GREP1: variants seen among roughly 807,000 people sequenced by gnomAD.
GREP1 encodes glycine-rich extracellular protein 1.
exon 35 of GREP1, chr16:3,001,861 C>G (rs1050272135): frequency 1.8e-5 from 7 of 381,384 alleles, no homozygotes; most frequent in African/African-American, 1.4e-4. Flanking sequence ...AGAAAACAGA[C>G]TCGATCAACG....
chr16:2,996,898 G>C, intron 20 of GREP1, 155 bp from the exon 20 acceptor site: 1 of 399,326 alleles, frequency 2.5e-6, no homozygotes, highest in East Asian at 3.6e-5. Flanking sequence ...CTGCCTCCCT[G>C]TCCCCCAGTG....
At chr16:2,998,856 A>G (rs2072442573) in exon 26 of GREP1, 2 of 398,950 alleles carry the variant, frequency 5.0e-6, no homozygotes, top group Admixed American at 4.4e-5. Context: ...AGGTCCCTGC[A>G]ATGCGAGGGT....
Position 2,994,434 on chromosome 16 carries a change from G to A in GREP1, c.386-264G>A, listed in dbSNP as rs144942977. 5.8e-3 allele frequency: 1,646 copies of A among 284,164 alleles called. 31 individuals are homozygous for A. Among genetic ancestry groups the A allele is most frequent in the African/African-American group, 0.034 (1,542 of 45,878 alleles). 17.6% of individuals were successfully genotyped at this position (284,164 alleles called of 1,614,324 possible). ...TGAGGCAGGAGAATTGCTTGAACCC[G>A]GGAGGCGGAGGTTGCAGTGAACCAA... On this transcript the variant is annotated intron_variant, in intron 10 of 34. Transcript: ENST00000573315.
At chr16:2,997,107 C>T (rs947116548) in intron 21 of GREP1, 22 bp downstream of exon 20, 1 of 399,246 alleles carries the variant, frequency 2.5e-6, no homozygotes, top group Non-Finnish European at 4.4e-6. Context: ...CCCGCCTGTC[C>T]CTCTGCCTCC....
At chr16:2,990,330 C>A in intron 5 of GREP1, 1 of 398,450 alleles carries the variant, frequency 2.5e-6, no homozygotes, top group Non-Finnish European at 4.4e-6. Flanking sequence ...CCCACGAGCC[C>A]TTCCACTAAG....
At chr16:2,997,164 A>G (rs1042466421) in intron 21 of GREP1, 79 bp downstream of exon 20, 15 of 398,718 alleles carry the variant, frequency 3.8e-5, no homozygotes, top group Non-Finnish European at 5.3e-5. Context: ...CCTCAGCTCC[A>G]TCGGCATTCA....
rs1413836586 is a variant in GREP1, at chr16:2,989,085, G to C, written c.101-438G>C. 4.2e-6 allele frequency: 1 copy of C among 237,908 alleles called. No individual in the cohort carries two copies. Among genetic ancestry groups the C allele is most frequent in the African/African-American group, 2.2e-5 (1 of 44,640 alleles). 14.7% of individuals were successfully genotyped at this position (237,908 alleles called of 1,614,324 possible). ...TCTGAGCTTCAGGAGAGAAAGATGG[G>C]GGGCAGAGGTGGTGAGAAGAAGAGG... is the stretch of plus-strand genomic sequence containing the variant. On this transcript the variant is annotated intron_variant, in intron 2 of 34. Transcript: ENST00000573315. The surrounding 1 kb of genome is among the most constrained non-coding windows in gnomAD (Gnocchi z 4.2).
Position 2,997,417 on chromosome 16 carries a change from AGGTACT to A in GREP1, c.916+2_916+7del, listed in dbSNP as rs2072431192. 7.5e-6 allele frequency: 3 copies of A among 398,846 alleles called. No individual in the cohort carries two copies. Among genetic ancestry groups the A allele is most frequent in the Non-Finnish European group, 8.8e-6 (2 of 226,298 alleles). 24.7% of individuals were successfully genotyped at this position (398,846 alleles called of 1,614,324 possible). A position where few individuals can be genotyped will look rare whatever the true frequency, so the allele number is the denominator to read the frequency against. On this transcript the variant is annotated splice_donor_variant and splice_donor_5th_base_variant and coding_sequence_variant and intron_variant, in exon 22 of 35. Transcript: ENST00000573315. LOFTEE classifies it high-confidence loss of function. ...CCTTAGCCCAGAATGGCTACAGAGC[AGGTACT>A]GGGGGGCTGGAGTTGCTGGGAGTGC...
At chr16:2,995,238 A>G (rs1369242103) in intron 13 of GREP1, 46 bp from the exon 15 acceptor site, 3 of 398,514 alleles carry the variant, frequency 7.5e-6, no homozygotes, top group Non-Finnish European at 1.3e-5. Flanking sequence ...GGTGGATCTG[A>G]GTTGGGGGCT....
In GREP1 at chr16:2,993,521, G is replaced by C. The variant is rs554883274; in HGVS notation, c.385+558G>C. ...TCCATCTACAAAAAAAAAAAACCTA[G>C]CCAGTTGTGGTGGCACGTGCCTGTA... On this transcript the variant is annotated intron_variant, in intron 10 of 34. Transcript: ENST00000573315. 5 of 151,982 alleles carry C rather than the reference G, an allele frequency of 3.3e-5. No homozygotes were observed. The East Asian group carries it at 9.7e-4, about 29-fold the overall frequency. The allele number at this position is 151,982 out of a possible 1,614,324, so 9.4% of individuals were successfully genotyped here. A position where few individuals can be genotyped will look rare whatever the true frequency, so the allele number is the denominator to read the frequency against.
At chr16:2,993,007 A>T in intron 10 of GREP1, 44 bp downstream of exon 11, 1 of 398,496 alleles carries the variant, frequency 2.5e-6, no homozygotes, top group Non-Finnish European at 4.4e-6. Flanking sequence ...TTTCCTATGC[A>T]TCTGCCGCTG....
intron 26 of GREP1, chr16:2,999,189 C>A (rs1177594144): frequency 2.0e-5 from 8 of 398,778 alleles, no homozygotes; most frequent in South Asian, 1.3e-4. Flanking sequence ...TCCATCCCTG[C>A]CCCATGGCAT....
chr16:2,993,214 G>A (rs2072407599), intron 10 of GREP1: 2 of 326,498 alleles, frequency 6.1e-6, no homozygotes, highest in Non-Finnish European at 1.1e-5. Context: ...GAGCAGAGAG[G>A]AAGGGATGGG....
chr16:2,988,709 G>A, intron 2 of GREP1, 87 bp downstream of exon 2: 1 of 398,890 alleles, frequency 2.5e-6, no homozygotes, highest in Non-Finnish European at 4.4e-6. Flanking sequence ...GACTCCCGAT[G>A]CGGGGCCCAG....
chr16:3,000,275 C>T (rs553354730), intron 29 of GREP1, 157 bp downstream of exon 26: 53 of 399,370 alleles, frequency 1.3e-4, no homozygotes, highest in African/African-American at 1.0e-3. Context: ...AGCTCCTCTC[C>T]AATCTCTGTC....
chr16:2,999,135 C>G (rs2072444203), intron 26 of GREP1, 156 bp downstream of exon 24: 2 of 398,696 alleles, frequency 5.0e-6, no homozygotes, highest in East Asian at 3.6e-5. Context: ...GAAGCCTGAA[C>G]TCTGGCCCTG....
At chr16:2,990,618 G>A in intron 7 of GREP1, 31 bp downstream of exon 6, 3 of 399,238 alleles carry the variant, frequency 7.5e-6, no homozygotes, top group East Asian at 3.6e-5. Context: ...TAAGGAATGG[G>A]AGGGGCTTGG....
At chr16:2,997,656 GC>G (rs1267365012) in intron 22 of GREP1, 146 bp from the exon 21 acceptor site, 2 of 397,602 alleles carry the variant, frequency 5.0e-6, no homozygotes, top group Non-Finnish European at 8.9e-6. Flanking sequence ...TCCCCATGCC[GC>G]CCCCACAGAC....
chr16:3,001,486 T>A, intron 34 of GREP1, 75 bp from the exon 29 acceptor site: 1 of 399,024 alleles, frequency 2.5e-6, no homozygotes, highest in Non-Finnish European at 4.4e-6. Flanking sequence ...GAAGCTCAGG[T>A]CCCTGGGAGG....
Sources: gnomAD v4.1 joint callset for allele counts on GRCh38, gnomAD v4.1.1 for gene constraint, Gnocchi (gnomAD v3.1) non-coding constraint, MANE v1.5 for transcripts, NCBI Gene and HGNC (gene_info 2026-07-23, HGNC 2026-07-21) for gene names.